The following SYT1 variants were observed in gnomAD, a reference collection of about 807,000 sequenced individuals.
The protein encoded by SYT1 is synaptotagmin-1.
A neutral mutation model predicts 44.8 loss-of-function variants in SYT1; 8 were observed. The ratio of observed to expected loss-of-function variants is 0.18; its 90% CI spans 0.10 to 0.32. The LOEUF is 0.32. Among genes scored for constraint, SYT1 ranks in the 10% least tolerant of loss-of-function variants. The pLI, the probability that SYT1 is intolerant of heterozygous loss-of-function variation, is 1.00. For synonymous variants in SYT1, 154 were observed against 188.8 expected, an observed-to-expected ratio of 0.82 and a Z score of 1.51; for missense variants, 286 against 509.3, an observed-to-expected ratio of 0.56 and a Z score of 4.22.
intron 1 of SYT1, among the ~76,000 whole-genome samples, chr12:78,870,727 C>G (rs781486508): frequency 6.6e-6 from 1 of 151,948 alleles, no homozygotes; most frequent in Non-Finnish European, 1.5e-5. Context: ...AGGGAACAGC[C>G]TCTTGTTTTA....
chr12:79,344,538 C>T (rs1490969738), intron 8 of SYT1, among the ~76,000 whole-genome samples: 2 of 152,112 alleles, frequency 1.3e-5, no homozygotes, highest in African/African-American at 4.8e-5. Context: ...CTGCAACCTC[C>T]ACCTCTTGGG....
At chr12:79,433,625 GTC>G (rs1869922586) in intron 9 of SYT1, among the ~76,000 whole-genome samples, 1 of 151,650 alleles carries the variant, frequency 6.6e-6, no homozygotes, top group Non-Finnish European at 1.5e-5. Flanking sequence ...ACTTGTTTTT[GTC>G]TCTGTGTTTG....
rs1162750199 is a variant in SYT1, at chr12:79,169,925, A to G, written c.-17-47578A>G. On this transcript the variant is annotated intron_variant, in intron 3 of 10. Transcript: ENST00000261205. ...CATGTGTCCTCATCGTTTAGCCCCT[A>G]TTTAGAAGTGAGAACATGTGGTATT... 2.6e-5 allele frequency among the ~76,000 whole-genome samples: 4 copies of G among 151,978 alleles called. No homozygotes were observed. The East Asian group carries it at 7.8e-4, about 29-fold the overall frequency.
intron 1 of SYT1, among the ~76,000 whole-genome samples, chr12:78,894,084 A>G (rs1300313360): frequency 6.6e-6 from 1 of 151,120 alleles, no homozygotes; most frequent in East Asian, 2.0e-4. Flanking sequence ...TTTTTTTCCA[A>G]AAAGATTCTG....
chr12:79,407,477 T>C (rs1397967471), intron 9 of SYT1, among the ~76,000 whole-genome samples: 1 of 152,026 alleles, frequency 6.6e-6, no homozygotes, highest in Non-Finnish European at 1.5e-5. Flanking sequence ...CACCATTTGT[T>C]GGGAAGGCAT....
intron 3 of SYT1, among the ~76,000 whole-genome samples, chr12:79,183,419 A>G (rs949641934): frequency 6.6e-6 from 1 of 151,936 alleles, no homozygotes; most frequent in Non-Finnish European, 1.5e-5. Flanking sequence ...ATCTGGAGAT[A>G]TTTTTAATTG....
chr12:79,398,857 A>G (rs1884968300), intron 9 of SYT1, among the ~76,000 whole-genome samples: 1 of 152,204 alleles, frequency 6.6e-6, no homozygotes, highest in South Asian at 2.1e-4. Context: ...TCGGGGCCAA[A>G]CAATTTTCTA....
chr12:79,122,420 A>G (rs912687077), intron 3 of SYT1, among the ~76,000 whole-genome samples: 17 of 144,880 alleles, frequency 1.2e-4, no homozygotes, highest in Non-Finnish European at 2.1e-4. Flanking sequence ...AGGCTGAGGC[A>G]GGAGAATGGC....
intron 1 of SYT1, among the ~76,000 whole-genome samples, chr12:78,908,457 A>G (rs897334672): frequency 6.6e-6 from 1 of 151,876 alleles, no homozygotes; most frequent in Non-Finnish European, 1.5e-5. Flanking sequence ...CAAAGAAACC[A>G]GAAGCTCAGG....
chr12:79,003,703 C>T lies in SYT1; in HGVS notation c.-84+25772C>T, dbSNP rs535196799. On this transcript the variant is annotated intron_variant, in intron 2 of 10. Coordinates refer to ENST00000261205, the MANE Select transcript of SYT1 (RefSeq NM_005639.3). The stretch of plus-strand genomic sequence containing the variant: ...CAGAATATGATCTATTCATACTTGA[C>T]ACGTTGATGATGTAGTCTGTTTTCT... Among the ~76,000 whole-genome samples, 3 of 152,050 alleles carry T rather than the reference C, an allele frequency of 2.0e-5. No homozygotes were observed. In the South Asian group the frequency reaches 6.2e-4, roughly 32 times the overall value.
chr12:79,117,285 T>G (rs1011304072), intron 3 of SYT1, among the ~76,000 whole-genome samples: 21 of 152,116 alleles, frequency 1.4e-4, no homozygotes, highest in Non-Finnish European at 2.9e-4. Context: ...AGGTTTTCAC[T>G]TTGCATTTCT....
intron 8 of SYT1, among the ~76,000 whole-genome samples, chr12:79,325,644 C>G (rs527969990): frequency 6.6e-6 from 1 of 152,106 alleles, no homozygotes; most frequent in African/African-American, 2.4e-5. Context: ...TGATTTCCTC[C>G]TTTTACACTG....
chr12:79,380,217 A>G (rs1198889687), intron 9 of SYT1, among the ~76,000 whole-genome samples: 1 of 152,224 alleles, frequency 6.6e-6, no homozygotes, highest in East Asian at 1.9e-4. Flanking sequence ...TGTCATTTAG[A>G]TATTTTGAGA....
intron 1 of SYT1, among the ~76,000 whole-genome samples, chr12:78,970,559 C>T (rs1190203867): frequency 2.0e-5 from 3 of 152,080 alleles, no homozygotes; most frequent in East Asian, 3.9e-4. Context: ...GGTCTTGAAG[C>T]GTGATAGCCA....
At chr12:78,893,291 G>T (rs1875156654) in intron 1 of SYT1, among the ~76,000 whole-genome samples, 1 of 151,776 alleles carries the variant, frequency 6.6e-6, no homozygotes, top group South Asian at 2.1e-4. Flanking sequence ...ATATGGATTA[G>T]CACTGACTGT....
chr12:79,024,765 A>C (rs1366447953), intron 2 of SYT1, among the ~76,000 whole-genome samples: 1 of 151,792 alleles, frequency 6.6e-6, no homozygotes. Context: ...TATATCTGAC[A>C]TACTATATTT....
chr12:79,213,732 C>T (rs1184776388), intron 3 of SYT1, among the ~76,000 whole-genome samples: 3 of 152,122 alleles, frequency 2.0e-5, no homozygotes, highest in Admixed American at 6.5e-5. Flanking sequence ...TGAGACCAGC[C>T]TGGCCAACAT....
intron 1 of SYT1, among the ~76,000 whole-genome samples, chr12:78,870,371 A>T (rs1873756439): frequency 1.3e-5 from 2 of 152,084 alleles, no homozygotes; most frequent in African/African-American, 2.4e-5. Context: ...TGTGAAATAT[A>T]GCTTTATTAA....
intron 9 of SYT1, among the ~76,000 whole-genome samples, chr12:79,421,182 T>G (rs369011152): frequency 5.3e-5 from 8 of 152,270 alleles, no homozygotes; most frequent in Admixed American, 3.9e-4. Context: ...GAATAAATAA[T>G]AACATTTTAT....
Sources: allele counts gnomAD v4.1 joint callset (sites outside exome capture counted in the v4.1 genomes callset), GRCh38; gene constraint gnomAD v4.1.1; transcripts MANE v1.5; gene names NCBI Gene and HGNC (gene_info 2026-07-23, HGNC 2026-07-21).